Variants in SV2B observed in about 807,000 individuals in gnomAD.
The protein encoded by SV2B is solute carrier family 22 member B2.
A neutral mutation model predicts 73.9 loss-of-function variants in SV2B; 41 were observed. The ratio of observed to expected loss-of-function variants is 0.56; its 90% CI spans 0.43 to 0.72. The LOEUF is 0.72. Ranked by LOEUF, SV2B falls within the 30% of genes least tolerant of loss-of-function variation. The probability of loss-of-function intolerance (pLI) is 0.00; values close to 1 mark genes in which losing one functional copy is unlikely to be tolerated. For missense variants in SV2B, 764 were observed against 857.8 expected (o/e 0.89, Z 1.37); for synonymous variants, 314 against 314.2 (o/e 1.00, Z 0.01).
chr15:91,099,806 C>T (rs1057045337), upstream of SV2B: 4 of 152,184 alleles, frequency 2.6e-5, no homozygotes, highest in Non-Finnish European at 5.9e-5. Context: ...CGGGAACTTG[C>T]GTCTAGTCCT....
chr15:91,209,841 C>T (rs1324427578), intron 1 of SV2B, among the ~76,000 whole-genome samples: 1 of 152,206 alleles, frequency 6.6e-6, no homozygotes, highest in East Asian at 1.9e-4. Context: ...TTCCTTTCCC[C>T]TTATCTTTCT....
Position 91,229,265 on chromosome 15 carries a change from C to T in SV2B, c.451+2551C>T, listed in dbSNP as rs532820444. Among the ~76,000 whole-genome samples, 5 of 151,878 alleles carry T rather than the reference C, an allele frequency of 3.3e-5. No individual in the cohort carries two copies. Among genetic ancestry groups the T allele is most frequent in the South Asian group, 2.1e-4 (1 of 4,806 alleles). ...CGACTGGGTACGTCCTACATGTCAT[C>T]GATCTGCTAGTGACCTTGGGCAAGT... On this transcript the variant is annotated intron_variant, in intron 2 of 12. Coordinates refer to ENST00000394232, the MANE Select transcript of SV2B (RefSeq NM_001323032.3). The surrounding 1 kb of genome is among the most constrained non-coding windows in gnomAD (Gnocchi z 4.3).
intron 1 of SV2B, among the ~76,000 whole-genome samples, chr15:91,175,880 A>G (rs2044287035): frequency 6.6e-6 from 1 of 151,154 alleles, no homozygotes; most frequent in Non-Finnish European, 1.5e-5. Flanking sequence ...ATTTATTATT[A>G]GTATTTTCTT....
rs1373211871 is a variant in SV2B, at chr15:91,110,678, G to A, written c.-392+10315G>A. Among the ~76,000 whole-genome samples the A allele has an allele frequency of 2.0e-5, 3 of 152,178 alleles. No homozygotes were observed. The highest frequency in any genetic ancestry group is 7.2e-5 in the African/African-American group (3 of 41,440). Reference sequence around the variant, plus strand: ...TGGCCTGCCCTAGGCAAAGTGCTGGGCCTGGGAGATGGGGCTGGAAAGGTC... The same window carrying A: ...TGGCCTGCCCTAGGCAAAGTGCTGGACCTGGGAGATGGGGCTGGAAAGGTC... On this transcript the variant is annotated intron_variant, in intron 1 of 12. Coordinates refer to ENST00000394232, the MANE Select transcript of SV2B (RefSeq NM_001323032.3). The surrounding 1 kb of genome is among the most constrained non-coding windows in gnomAD (Gnocchi z 5.4).
chr15:91,200,876 A>G (rs1235294312), intron 1 of SV2B, among the ~76,000 whole-genome samples: 1 of 152,164 alleles, frequency 6.6e-6, no homozygotes, highest in East Asian at 1.9e-4. Context: ...GTGCCTCTGC[A>G]CTCCAGCCTC....
At chr15:91,254,502 G>T (rs943596111) in intron 4 of SV2B, among the ~76,000 whole-genome samples, 1 of 152,134 alleles carries the variant, frequency 6.6e-6, no homozygotes, top group Non-Finnish European at 1.5e-5. Flanking sequence ...TTCCCAAAGT[G>T]CTGGGATTAC....
chr15:91,239,672 G>A lies in SV2B; in HGVS notation c.452-12147G>A, dbSNP rs1247681363. On this transcript the variant is annotated intron_variant, in intron 2 of 12. Coordinates refer to ENST00000394232, the MANE Select transcript of SV2B (RefSeq NM_001323032.3). The surrounding 1 kb of genome is among the most constrained non-coding windows in gnomAD (Gnocchi z 5.1). Reference sequence around the variant, plus strand: ...ATCAGATAGAGTCTTTCATTAGTATGGTTTCTTTTTTAGAAGGCAGCATGT... The same window carrying A: ...ATCAGATAGAGTCTTTCATTAGTATAGTTTCTTTTTTAGAAGGCAGCATGT... Among the ~76,000 whole-genome samples the A allele has an allele frequency of 6.6e-6, 1 of 152,076 alleles. No homozygotes were observed. The highest frequency in any genetic ancestry group is 1.5e-5 in the Non-Finnish European group (1 of 68,002).
rs2045969742 is a variant in SV2B, at chr15:91,214,741, C to T, written c.-391-11132C>T. 6.6e-6 allele frequency among the ~76,000 whole-genome samples: 1 copy of T among 152,234 alleles called. No homozygotes were observed. The highest frequency in any genetic ancestry group is 1.5e-5 in the Non-Finnish European group (1 of 68,046). Reference sequence around the variant, plus strand: ...TGGTCTTTGTTAGGGCTTCCTTCCCCATTCCACTGGCTCACTTATTTAAGT... The same window carrying T: ...TGGTCTTTGTTAGGGCTTCCTTCCCTATTCCACTGGCTCACTTATTTAAGT... On this transcript the variant is annotated intron_variant, in intron 1 of 12. Transcript: ENST00000394232. The surrounding 1 kb of genome is among the most constrained non-coding windows in gnomAD (Gnocchi z 4.7).
In SV2B at chr15:91,289,554, T is replaced by A. The variant is rs200945374; in HGVS notation, c.1742T>A (p.Phe581Tyr). 1 of 1,614,218 alleles carries A rather than the reference T, an allele frequency of 6.2e-7. No individual in the cohort carries two copies. Among genetic ancestry groups the A allele is most frequent in the Admixed American group, 1.7e-5 (1 of 60,032 alleles). The change falls in exon 12 of 13, where the codon TTC becomes TAC. Residue 581 changes from phenylalanine to tyrosine, a missense_variant. Transcript: ENST00000394232. This position sits in a 1 kb window ranked among gnomAD's most constrained non-coding sequence, Gnocchi z 4.9. Reference sequence around the variant, plus strand: ...ATGCTAATCTCTGCAGTCTGCTGCTTCTTCCTGTTTTTTGGCAACAGTGAG... The same window carrying A: ...ATGCTAATCTCTGCAGTCTGCTGCTACTTCCTGTTTTTTGGCAACAGTGAG... ...GSMLISAVCC[F>Y]FLFFGNSESA...
intron 1 of SV2B, among the ~76,000 whole-genome samples, chr15:91,165,538 A>G (rs2043883466): frequency 6.6e-6 from 1 of 152,158 alleles, no homozygotes; most frequent in Non-Finnish European, 1.5e-5. Context: ...ATTTAATATA[A>G]AGAACTTGAG....
Position 91,261,870 on chromosome 15 carries a change from T to C in SV2B, c.1008+1461T>C, listed in dbSNP as rs1448690037. 2.0e-5 allele frequency among the ~76,000 whole-genome samples: 3 copies of C among 152,220 alleles called. No homozygotes were observed. Among genetic ancestry groups the C allele is most frequent in the Non-Finnish European group, 2.9e-5 (2 of 68,046 alleles). On this transcript the variant is annotated intron_variant, in intron 6 of 12. Transcript: ENST00000394232. This position sits in a 1 kb window ranked among gnomAD's most constrained non-coding sequence, Gnocchi z 4.7. ...AGAGACGCTGTCTTCCTGCCTGCCA[T>C]GCTCTGACAAACCAGGAGGCTATAG... is the stretch of plus-strand genomic sequence containing the variant.
chr15:91,176,143 G>C (rs1380835636), intron 1 of SV2B, among the ~76,000 whole-genome samples: 1 of 150,768 alleles, frequency 6.6e-6, no homozygotes, highest in Non-Finnish European at 1.5e-5. Flanking sequence ...TGCGGTGTTT[G>C]GTTTTTTGTC....
intron 1 of SV2B, among the ~76,000 whole-genome samples, chr15:91,150,240 C>T (rs188621492): frequency 1.2e-4 from 18 of 152,186 alleles, no homozygotes; most frequent in Non-Finnish European, 2.1e-4. Flanking sequence ...CTCCTGACCT[C>T]AGGTGATCCA....
chr15:91,168,331 A>AGAGAGAGAGAGAGAGAGAGAGAGAG (rs58086579), intron 1 of SV2B, among the ~76,000 whole-genome samples: 25 of 151,140 alleles, frequency 1.7e-4, no homozygotes, highest in South Asian at 4.2e-4. Flanking sequence ...AGAGAGAGAG[A>AGAGAGAGAGAGAGAGAGAGAGAGAG]AAAGAAATTT....
intron 1 of SV2B, among the ~76,000 whole-genome samples, chr15:91,182,875 C>A (rs752351265): frequency 6.6e-6 from 1 of 152,172 alleles, no homozygotes; most frequent in African/African-American, 2.4e-5. Context: ...CACACAACTG[C>A]CAAGTTTGGA....
At chr15:91,272,659 C>A (rs1055221793) in intron 9 of SV2B, among the ~76,000 whole-genome samples, 1 of 151,854 alleles carries the variant, frequency 6.6e-6, no homozygotes, top group Non-Finnish European at 1.5e-5. Context: ...ATGAAGTTCA[C>A]AAGATTTAGC....
At position 91,136,435 on chromosome 15, in the gene SV2B, T is replaced by A. The variant is rs2042827549; in HGVS notation, c.-392+36072T>A. The stretch of plus-strand genomic sequence containing the variant: ...CGGAGAGAGAACCTTTATTTACCCG[T>A]GCCCATCCAGCTAGTGGAGAACCAG... On this transcript the variant is annotated intron_variant, in intron 1 of 12. Coordinates refer to ENST00000394232, the MANE Select transcript of SV2B (RefSeq NM_001323032.3). The surrounding 1 kb of genome is among the most constrained non-coding windows in gnomAD (Gnocchi z 5.6). 6.6e-6 allele frequency among the ~76,000 whole-genome samples: 1 copy of A among 152,200 alleles called. No individual in the cohort carries two copies. Among genetic ancestry groups the A allele is most frequent in the Non-Finnish European group, 1.5e-5 (1 of 68,024 alleles).
chr15:91,177,487 TG>T, intron 1 of SV2B, among the ~76,000 whole-genome samples: 1 of 151,396 alleles, frequency 6.6e-6, no homozygotes, highest in Admixed American at 6.6e-5. Flanking sequence ...TTGGGCAGTA[TG>T]GCCATTTTCA....
Position 91,140,995 on chromosome 15 carries a change from G to A in SV2B, c.-392+40632G>A, listed in dbSNP as rs941681069. ...ACTTCCTCCAACTTCTTTTAAAATA[G>A]AACTATTTTCATGATGGAAGCCAGA... On this transcript the variant is annotated intron_variant, in intron 1 of 12. Transcript: ENST00000394232. The surrounding 1 kb of genome is among the most constrained non-coding windows in gnomAD (Gnocchi z 4.4). 6.6e-6 allele frequency among the ~76,000 whole-genome samples: 1 copy of A among 152,252 alleles called. No homozygotes were observed. Among genetic ancestry groups the A allele is most frequent in the East Asian group, 1.9e-4 (1 of 5,180 alleles).
Sources: gnomAD v4.1 joint callset for allele counts (sites outside exome capture counted in the v4.1 genomes callset) on GRCh38, gnomAD v4.1.1 for gene constraint, Gnocchi (gnomAD v3.1) non-coding constraint, MANE v1.5 for transcripts, NCBI Gene and HGNC (gene_info 2026-07-23, HGNC 2026-07-21) for gene names.